Variants in TMEM132E observed in about 807,000 individuals in gnomAD.
TMEM132E encodes transmembrane protein 132E.
Under a neutral mutation model 78.5 loss-of-function variants are expected in TMEM132E, and 49 were observed. The observed-to-expected ratio is 0.62, with a 90% CI of 0.50 to 0.79. The LOEUF is 0.79. TMEM132E is among the 30% of genes least tolerant of loss of function. TMEM132E has a pLI of 0.00. For missense variants in TMEM132E, 1,403 were observed against 1,470.9 expected (o/e 0.95, Z 0.75); for synonymous variants, 715 against 670.6 (o/e 1.07, Z -1.02).
chr17:34,638,380 G>A lies in TMEM132E; in HGVS notation c.*148G>A, dbSNP rs1471302914. The A allele has an allele frequency of 7.9e-6, 7 of 880,532 alleles. No individual in the cohort carries two copies. The East Asian group carries it at 8.4e-5, about 11-fold the overall frequency. 54.5% of individuals were successfully genotyped at this position (880,532 alleles called of 1,614,324 possible). ...TGCAGCTTGGCTCCGTGCGGAGCGG[G>A]CCGCCTCAGTGTCTGGGCCTTCCCT... On this transcript the variant is annotated 3_prime_UTR_variant, in exon 9 of 9. Transcript: ENST00000631683.
intron 1 of TMEM132E, among the ~76,000 whole-genome samples, chr17:34,606,751 A>G (rs1392217584): frequency 6.6e-6 from 1 of 152,174 alleles, no homozygotes; most frequent in Admixed American, 6.5e-5. Flanking sequence ...TGAACCCAGA[A>G]CCACCACTAA....
intron 1 of TMEM132E, among the ~76,000 whole-genome samples, chr17:34,586,111 A>T (rs10401018): frequency 6.6e-6 from 1 of 151,760 alleles, no homozygotes; most frequent in Non-Finnish European, 1.5e-5. Flanking sequence ...TTTCTCTGTC[A>T]GAGCACACGC....
In TMEM132E at chr17:34,634,896, C is replaced by A. The variant is rs1193275564; in HGVS notation, c.1786C>A (p.Gln596Lys). 2.5e-6 allele frequency: 4 copies of A among 1,614,190 alleles called. No individual in the cohort carries two copies. Among genetic ancestry groups the A allele is most frequent in the East Asian group, 2.2e-5 (1 of 44,866 alleles). Residue 596 changes from glutamine to lysine, a missense_variant, in exon 7 of 9, where the codon CAG (glutamine) becomes AAG (lysine). Around this residue, in one of 3 missense-constraint regions of TMEM132E, gnomAD observed 888 missense variants for 952.8 expected, o/e 0.93. Transcript: ENST00000631683. Reference protein sequence around the residue: ...CTLQYQHATLQVFTQFHTTSS... With the variant: ...CTLQYQHATLKVFTQFHTTSS... ...CCTGCAGTACCAGCATGCCACCCTG[C>A]AGGTCTTCACCCAGTTCCACACGAC...
intron 1 of TMEM132E, among the ~76,000 whole-genome samples, chr17:34,598,887 C>T (rs559372675): frequency 2.6e-5 from 4 of 152,284 alleles, no homozygotes; most frequent in South Asian, 2.1e-4. Flanking sequence ...GATTGTCCCG[C>T]CAGAAGAGAT....
At chr17:34,632,316 C>T (rs1398514479) in intron 5 of TMEM132E, among the ~76,000 whole-genome samples, 1 of 152,216 alleles carries the variant, frequency 6.6e-6, no homozygotes, top group East Asian at 1.9e-4. Flanking sequence ...TCATAGAGGA[C>T]TCTACCTGCC....
In TMEM132E at chr17:34,580,757, A is replaced by C. The variant is rs1905438533; in HGVS notation, c.-320A>C. 3.3e-6 allele frequency: 1 copy of C among 304,330 alleles called. No individual in the cohort carries two copies. The highest frequency in any genetic ancestry group is 6.1e-6 in the Non-Finnish European group (1 of 164,696). 18.9% of individuals were successfully genotyped at this position (304,330 alleles called of 1,614,324 possible). On this transcript the variant is annotated 5_prime_UTR_variant, in exon 1 of 9. Transcript: ENST00000631683. ...CACTGGGCTCTAGGTAGCCCCCGGG[A>C]CGCCCGCGGCCACCGGGCTCCGGAC...
At position 34,632,865 on chromosome 17, in the gene TMEM132E, C is replaced by T; in HGVS notation, c.1644C>T (p.Leu548=). The T allele has an allele frequency of 6.2e-7, 1 of 1,614,242 alleles. No individual in the cohort carries two copies. The highest frequency in any genetic ancestry group is 8.5e-7 in the Non-Finnish European group (1 of 1,180,054). Residue 548 remains leucine, a synonymous_variant, in exon 6 of 9, where the codon CTC becomes CTT. Coordinates refer to ENST00000631683, the MANE Select transcript of TMEM132E (RefSeq NM_001304438.2). ...ACATTGAGCTCTCAGATGCCCGCCTCAGCCAAGTGAAGGGCTGGAGGGTAC... is the reference window on the plus strand; with the variant it reads ...ACATTGAGCTCTCAGATGCCCGCCTTAGCCAAGTGAAGGGCTGGAGGGTAC... ...PLHIELSDAR[L]SQVKGWRVPI... is the part of the protein sequence containing the mutation.
At chr17:34,581,859 G>C (rs182979774) in intron 1 of TMEM132E, among the ~76,000 whole-genome samples, 6 of 152,096 alleles carry the variant, frequency 3.9e-5, no homozygotes, top group Non-Finnish European at 7.3e-5. Flanking sequence ...CGCGGTAAAG[G>C]GGGTGGGAGA....
chr17:34,626,388 C>A lies in TMEM132E; in HGVS notation c.329C>A (p.Pro110Gln). 5 of 1,613,290 alleles carry A rather than the reference C, an allele frequency of 3.1e-6. No individual in the cohort carries two copies. The highest frequency in any genetic ancestry group is 4.2e-6 in the Non-Finnish European group (5 of 1,179,808). ...SQVVARELLQ[P>Q]SSTLDIPERL... ...GTGGTGGCGCGGGAGCTCCTGCAGC[C>A]GTCCAGCACCCTGGACATCCCCGAG... The change falls in exon 2 of 9, where the codon CCG becomes CAG. Residue 110 changes from proline (P) to glutamine (Q), a missense_variant. By Grantham distance (76) the Pro-to-Gln change is moderately conservative (BLOSUM62 -1). Around this residue, in one of 3 missense-constraint regions of TMEM132E, gnomAD observed 511 missense variants for 499.0 expected, o/e 1.02. Coordinates refer to ENST00000631683, the MANE Select transcript of TMEM132E (RefSeq NM_001304438.2).
chr17:34,613,680 C>T (rs1205275767), intron 1 of TMEM132E, among the ~76,000 whole-genome samples: 1 of 152,108 alleles, frequency 6.6e-6, no homozygotes, highest in Non-Finnish European at 1.5e-5. Flanking sequence ...CAGCCCTTCT[C>T]CCTAGCTTCT....
intron 1 of TMEM132E, among the ~76,000 whole-genome samples, chr17:34,617,137 A>G (rs1252060213): frequency 6.6e-6 from 1 of 152,254 alleles, no homozygotes; most frequent in African/African-American, 2.4e-5. Flanking sequence ...CCCTGCAGAC[A>G]TAACCGCTAC....
chr17:34,584,207 C>T (rs4795944), intron 1 of TMEM132E, among the ~76,000 whole-genome samples: 124,258 of 152,230 alleles, frequency 0.82, 50,826 homozygotes, highest in Non-Finnish European at 0.83. Context: ...ACTGGCCTCT[C>T]GCCATCCTCC....
chr17:34,608,003 A>G (rs773124196), intron 1 of TMEM132E, among the ~76,000 whole-genome samples: 2 of 152,182 alleles, frequency 1.3e-5, no homozygotes, highest in African/African-American at 2.4e-5. Context: ...ATCATTGGCC[A>G]TTGTTGATTG....
intron 1 of TMEM132E, among the ~76,000 whole-genome samples, chr17:34,586,120 G>A (rs1905667614): frequency 1.3e-5 from 2 of 151,960 alleles, no homozygotes; most frequent in South Asian, 2.1e-4. Context: ...CAGAGCACAC[G>A]CCTCTCTCCC....
In TMEM132E at chr17:34,637,980, G is replaced by C. The variant is rs1287357750; in HGVS notation, c.2973G>C (p.Ser991=). 1.3e-6 allele frequency: 2 copies of C among 1,591,214 alleles called. No homozygotes were observed. The highest frequency in any genetic ancestry group is 1.8e-5 in the Admixed American group (1 of 57,080). The change falls in exon 9 of 9, where the codon TCG becomes TCC. Residue 991 remains serine, a synonymous_variant. Coordinates refer to ENST00000631683, the MANE Select transcript of TMEM132E (RefSeq NM_001304438.2). ...TGCACGGCAGGGGCGACGGCTCCTC[G>C]GGCGGCTCAGCCCGAGACCAAGCCG... ...SQVHGRGDGS[S]GGSARDQAED...
intron 1 of TMEM132E, among the ~76,000 whole-genome samples, chr17:34,590,308 C>A (rs1159090589): frequency 1.3e-5 from 2 of 152,148 alleles, no homozygotes; most frequent in African/African-American, 4.8e-5. Context: ...TCCCGACACT[C>A]ATAGCTTTCC....
intron 1 of TMEM132E, among the ~76,000 whole-genome samples, chr17:34,583,067 C>T (rs1378457425): frequency 6.6e-6 from 1 of 152,246 alleles, no homozygotes; most frequent in Non-Finnish European, 1.5e-5. Flanking sequence ...TGGTCTTGGC[C>T]TTGGCCTCCT....
In TMEM132E at chr17:34,635,988, C is replaced by T. The variant is rs550612448; in HGVS notation, c.1978-19C>T. Reference sequence around the variant, plus strand: ...GTGCTTTCCTGGTTCTCTCCCACCCCGGTCCCGCTCTGCCTCAGGTGGTGT... The same window carrying T: ...GTGCTTTCCTGGTTCTCTCCCACCCTGGTCCCGCTCTGCCTCAGGTGGTGT... On this transcript the variant is annotated intron_variant, in intron 7 of 8. Transcript: ENST00000631683. 3.4e-5 allele frequency: 48 copies of T among 1,393,948 alleles called. No individual in the cohort carries two copies. The highest frequency in any genetic ancestry group is 5.4e-4 in the Middle Eastern group (2 of 3,732). 86.3% of individuals were successfully genotyped at this position (1,393,948 alleles called of 1,614,324 possible). A position where few individuals can be genotyped will look rare whatever the true frequency, so the allele number is the denominator to read the frequency against.
intron 4 of TMEM132E, among the ~76,000 whole-genome samples, chr17:34,629,465 G>C (rs1392956845): frequency 1.3e-5 from 2 of 152,182 alleles, no homozygotes; most frequent in African/African-American, 4.8e-5. Flanking sequence ...GAAGTTTGCA[G>C]AAGGAGGTAG....
Sources: allele counts gnomAD v4.1 joint callset (sites outside exome capture counted in the v4.1 genomes callset), GRCh38; gene constraint gnomAD v4.1.1; regional missense constraint gnomAD v4.1.1; transcripts MANE v1.5; gene names NCBI Gene and HGNC (gene_info 2026-07-23, HGNC 2026-07-21).